The following TENM3 variants were observed in gnomAD, a reference collection of about 807,000 sequenced individuals.
The protein encoded by TENM3 is teneurin transmembrane protein 3.
Under a neutral mutation model 255.1 loss-of-function variants are expected in TENM3, and 63 were observed. The ratio of observed to expected loss-of-function variants is 0.25; its 90% confidence interval spans 0.20 to 0.30. TENM3 has a LOEUF of 0.30. Ranked by LOEUF, TENM3 falls within the 10% of genes least tolerant of loss-of-function variation. TENM3 has a pLI of 1.00. For missense variants in TENM3, 2,929 were observed against 3,461.1 expected (o/e 0.85, Z 3.86); for synonymous variants, 1,306 against 1,322.3 (o/e 0.99, Z 0.27).
chr4:182,041,852 A>C, the TENM3 span, among the ~76,000 whole-genome samples: 1 of 152,246 alleles, frequency 6.6e-6, no homozygotes, highest in African/African-American at 2.4e-5. Context: ...TTCACTTTGC[A>C]GTCCATTACT....
At chr4:181,683,419 C>T in the TENM3 span, among the ~76,000 whole-genome samples, 1 of 152,120 alleles carries the variant, frequency 6.6e-6, no homozygotes, top group African/African-American at 2.4e-5. Flanking sequence ...TGCTTAAGAG[C>T]TTACACTTTA....
chr4:182,026,374 T>C, the TENM3 span, among the ~76,000 whole-genome samples: 120 of 152,348 alleles, frequency 7.9e-4, no homozygotes, highest in Non-Finnish European at 1.4e-3. Context: ...CCTTGTCAGA[T>C]GAGTAGTTTA....
intron 3 of TENM3, among the ~76,000 whole-genome samples, chr4:182,440,287 T>A (rs1041063884): frequency 1.3e-5 from 2 of 152,028 alleles, no homozygotes; most frequent in Non-Finnish European, 2.9e-5. Context: ...AATTTTTTTG[T>A]ATTTTTAGTA....
intron 15 of TENM3, 136 bp from the exon 16 acceptor site, chr4:182,730,742 A>C (rs1299404040): frequency 3.1e-6 from 3 of 971,846 alleles, no homozygotes; most frequent in Non-Finnish European, 3.0e-6. Context: ...ATATTCCCAT[A>C]GATCTGAAAA....
At chr4:182,388,142 C>G (rs981186730) in intron 3 of TENM3, among the ~76,000 whole-genome samples, 1 of 152,054 alleles carries the variant, frequency 6.6e-6, no homozygotes, top group African/African-American at 2.4e-5. Flanking sequence ...TCTTTCTTTT[C>G]TCTGTAGCTG....
At chr4:182,100,125 A>G in the TENM3 span, among the ~76,000 whole-genome samples, 3 of 152,046 alleles carry the variant, frequency 2.0e-5, no homozygotes, top group Admixed American at 2.0e-4. Flanking sequence ...CTCTGACCCC[A>G]GATTCCCCTG....
the TENM3 span, among the ~76,000 whole-genome samples, chr4:181,469,262 A>G: frequency 6.6e-6 from 1 of 152,186 alleles, no homozygotes; most frequent in South Asian, 2.1e-4. Flanking sequence ...TTTTACAACC[A>G]GAATCACTAA....
At chr4:181,894,451 A>G in the TENM3 span, among the ~76,000 whole-genome samples, 1 of 152,160 alleles carries the variant, frequency 6.6e-6, no homozygotes, top group Non-Finnish European at 1.5e-5. Context: ...GTTCTCTATT[A>G]TTTGTTGGCA....
chr4:182,073,335 G>A, the TENM3 span, among the ~76,000 whole-genome samples: 1 of 152,142 alleles, frequency 6.6e-6, no homozygotes. Context: ...ACAACATGTG[G>A]GGATTATGGG....
the TENM3 span, among the ~76,000 whole-genome samples, chr4:181,822,155 C>T: frequency 6.6e-6 from 1 of 152,098 alleles, no homozygotes; most frequent in Non-Finnish European, 1.5e-5. Flanking sequence ...TTTCTCCCTC[C>T]CTCACACCCC....
chr4:182,659,251 A>G (rs1357754310), intron 6 of TENM3, among the ~76,000 whole-genome samples: 1 of 151,948 alleles, frequency 6.6e-6, no homozygotes, highest in East Asian at 1.9e-4. Context: ...CCCCCCCTCC[A>G]CAGTTTTGCT....
chr4:182,654,310 G>A (rs1422424604), intron 6 of TENM3, among the ~76,000 whole-genome samples: 1 of 152,062 alleles, frequency 6.6e-6, no homozygotes, highest in Non-Finnish European at 1.5e-5. Flanking sequence ...GCACATTAAA[G>A]GATTATAGTT....
At chr4:182,097,034 G>A in the TENM3 span, among the ~76,000 whole-genome samples, 2 of 152,150 alleles carry the variant, frequency 1.3e-5, no homozygotes, top group Non-Finnish European at 2.9e-5. Context: ...GTCAAAGTGA[G>A]GGTTATAGTT....
chr4:182,784,880 C>T (rs1263946381), intron 24 of TENM3, among the ~76,000 whole-genome samples: 2 of 152,150 alleles, frequency 1.3e-5, no homozygotes, highest in Non-Finnish European at 1.5e-5. Context: ...CCTTGCACTT[C>T]CCAAGTGAGG....
chr4:182,140,662 AG>A (rs1393881434), upstream of TENM3, among the ~76,000 whole-genome samples: 2 of 152,194 alleles, frequency 1.3e-5, no homozygotes, highest in East Asian at 3.9e-4. Context: ...CGCGTGTTAA[AG>A]GAGGAAGTGG....
At chr4:182,021,633 T>G in the TENM3 span, among the ~76,000 whole-genome samples, 190 of 152,236 alleles carry the variant, frequency 1.2e-3, 1 homozygote, top group Non-Finnish European at 1.7e-3. Flanking sequence ...CTAGACTTCT[T>G]GCCCTGTGAG....
the TENM3 span, among the ~76,000 whole-genome samples, chr4:181,511,041 C>A: frequency 6.6e-6 from 1 of 152,180 alleles, no homozygotes; most frequent in African/African-American, 2.4e-5. Context: ...AGCAAGCATT[C>A]AAGAAAATAG....
chr4:181,508,026 A>G, the TENM3 span, among the ~76,000 whole-genome samples: 1 of 152,342 alleles, frequency 6.6e-6, no homozygotes, highest in East Asian at 1.9e-4. Flanking sequence ...TCCACAAATG[A>G]AAGGAAAAGC....
chr4:182,460,922 A>G (rs1774275316), intron 3 of TENM3, among the ~76,000 whole-genome samples: 1 of 152,218 alleles, frequency 6.6e-6, no homozygotes, highest in Non-Finnish European at 1.5e-5. Context: ...TAATTCATAA[A>G]TTTAAAAAGG....
Sources: gnomAD v4.1 joint callset for allele counts (sites outside exome capture counted in the v4.1 genomes callset) on GRCh38, gnomAD v4.1.1 for gene constraint, MANE v1.5 for transcripts, NCBI Gene and HGNC (gene_info 2026-07-23, HGNC 2026-07-21) for gene names.